Variants in GFOD2 observed in about 807,000 individuals in gnomAD.
GFOD2 encodes the protein Gfo/Idh/MocA-like oxidoreductase domain containing 2.
A neutral mutation model predicts 24.6 loss-of-function variants in GFOD2; 9 were observed. The ratio of observed to expected loss-of-function variants is 0.37; its 90% confidence interval spans 0.22 to 0.64. The LOEUF (loss-of-function observed/expected upper bound fraction) is 0.64, where lower values mean the gene tolerates loss of function less well. Ranked by LOEUF, GFOD2 falls within the 30% of genes least tolerant of loss-of-function variation. The pLI is 0.65. For missense variants in GFOD2, 476 were observed against 532.5 expected, an observed-to-expected ratio of 0.89 and a Z score of 1.04; for synonymous variants, 211 against 224.8, an observed-to-expected ratio of 0.94 and a Z score of 0.55.
In GFOD2 at chr16:67,685,593, C is replaced by T. The variant is rs768833214; in HGVS notation, c.123G>A (p.Ala41=). The change falls in exon 2 of 3, where the codon GCG becomes GCA. Residue 41 remains alanine (A), a synonymous_variant. Transcript: ENST00000268797. ...TGTTCATCTCCTCAGCAAGCTGCTT[C>T]GCCTCCTCCTCAGTCTTCCCCCACA... The part of the protein sequence containing the change: ...EALWGKTEEE[A]KQLAEEMNIA... The T allele has an allele frequency of 1.3e-5, 21 of 1,614,182 alleles. No homozygotes were observed. Among genetic ancestry groups the T allele is most frequent in the South Asian group, 3.3e-5 (3 of 91,084 alleles).
At chr16:67,699,631 G>A (rs2053386001) in intron 1 of GFOD2, among the ~76,000 whole-genome samples, 1 of 151,938 alleles carries the variant, frequency 6.6e-6, no homozygotes, top group Non-Finnish European at 1.5e-5. Context: ...CCACAGATGT[G>A]TACCACCACG....
rs539145203 is a variant in GFOD2, at chr16:67,687,573, G to A, written c.-87-1771C>T. ...GGAGAATGGCGTGAACCCAGGAGGC[G>A]GAGCCTGCAGTGAGGTGAGATCGCG... On this transcript the variant is annotated intron_variant, in intron 1 of 2. Transcript: ENST00000268797. Among the ~76,000 whole-genome samples, 27 of 149,928 alleles carry A rather than the reference G, an allele frequency of 1.8e-4. No homozygotes were observed. The East Asian group carries it at 4.9e-3, about 27-fold the overall frequency.
At chr16:67,694,983 C>G (rs1323400139) in intron 1 of GFOD2, among the ~76,000 whole-genome samples, 1 of 147,354 alleles carries the variant, frequency 6.8e-6, no homozygotes. Flanking sequence ...TTCTCCATCT[C>G]TCTCTTTTTT....
intron 1 of GFOD2, among the ~76,000 whole-genome samples, chr16:67,716,158 T>C (rs772695547): frequency 2.0e-5 from 3 of 152,224 alleles, no homozygotes; most frequent in Non-Finnish European, 4.4e-5. Context: ...TCAGATGACA[T>C]TGCATCCCCA....
At chr16:67,694,291 C>A (rs1468252676) in intron 1 of GFOD2, among the ~76,000 whole-genome samples, 1 of 152,060 alleles carries the variant, frequency 6.6e-6, no homozygotes, top group Non-Finnish European at 1.5e-5. Context: ...GCCACTGAGC[C>A]TGGCCTAATT....
In GFOD2 at chr16:67,679,094, G is replaced by A. The variant is rs539129213; in HGVS notation, c.260-3041C>T. 3.3e-5 allele frequency among the ~76,000 whole-genome samples: 5 copies of A among 152,340 alleles called. No homozygotes were observed. The South Asian group carries it at 6.2e-4, about 19-fold the overall frequency. On this transcript the variant is annotated intron_variant, in intron 2 of 2. Coordinates refer to ENST00000268797, the MANE Select transcript of GFOD2 (RefSeq NM_030819.4). ...AGGTAGGACGATCCCTTGAGTCCAG[G>A]AGATTGGGGCTGCAGTTTGCTGCGA...
intron 1 of GFOD2, among the ~76,000 whole-genome samples, chr16:67,710,688 A>G (rs1368645929): frequency 6.6e-6 from 1 of 152,166 alleles, no homozygotes; most frequent in Non-Finnish European, 1.5e-5. Context: ...AAAAGTGTTC[A>G]ATGACAGATT....
intron 1 of GFOD2, among the ~76,000 whole-genome samples, chr16:67,702,516 G>A (rs2053409570): frequency 1.3e-5 from 2 of 150,546 alleles, no homozygotes; most frequent in South Asian, 4.2e-4. Flanking sequence ...GAAAAGATTT[G>A]CTGACCCCTG....
intron 1 of GFOD2, among the ~76,000 whole-genome samples, chr16:67,688,677 C>G (rs964803315): frequency 2.6e-5 from 4 of 151,352 alleles, no homozygotes; most frequent in Non-Finnish European, 5.9e-5. Flanking sequence ...TTTTCTTTTT[C>G]TCTTTTTAAA....
At chr16:67,684,790 C>T (rs1440260893) in intron 2 of GFOD2, 6 of 983,896 alleles carry the variant, frequency 6.1e-6, no homozygotes, top group African/African-American at 1.7e-5. Context: ...AAGAAGTTGA[C>T]TCCAGTTGAC....
chr16:67,702,187 A>G (rs1411653910), intron 1 of GFOD2, among the ~76,000 whole-genome samples: 1 of 152,198 alleles, frequency 6.6e-6, no homozygotes, highest in Non-Finnish European at 1.5e-5. Flanking sequence ...ACAGCTTAAA[A>G]TACTTAAAAT....
chr16:67,690,406 T>G (rs2053303234), intron 1 of GFOD2, among the ~76,000 whole-genome samples: 1 of 151,928 alleles, frequency 6.6e-6, no homozygotes, highest in Non-Finnish European at 1.5e-5. Context: ...CTATTTTTTT[T>G]TTTTTTTTGA....
At chr16:67,688,296 G>A (rs1389732404) in intron 1 of GFOD2, among the ~76,000 whole-genome samples, 1 of 152,158 alleles carries the variant, frequency 6.6e-6, no homozygotes, top group African/African-American at 2.4e-5. Context: ...ATTCAATGCT[G>A]TAGAAGGACT....
intron 1 of GFOD2, among the ~76,000 whole-genome samples, chr16:67,704,009 T>G (rs1343269848): frequency 6.6e-6 from 1 of 152,222 alleles, no homozygotes; most frequent in Non-Finnish European, 1.5e-5. Context: ...TGTTGTAGCA[T>G]GTGTCAGATT....
chr16:67,681,105 G>C, intron 2 of GFOD2: 1 of 985,446 alleles, frequency 1.0e-6, no homozygotes, highest in Non-Finnish European at 1.2e-6. Context: ...CACAGTTCTG[G>C]GGGTGAATTT....
intron 1 of GFOD2, among the ~76,000 whole-genome samples, chr16:67,718,899 T>C (rs927179629): frequency 1.1e-4 from 16 of 152,118 alleles, no homozygotes; most frequent in Non-Finnish European, 2.1e-4. Flanking sequence ...GGGTTATGTC[T>C]CAGGTTCTTC....
At chr16:67,693,495 C>T (rs1344565691) in intron 1 of GFOD2, among the ~76,000 whole-genome samples, 3 of 152,164 alleles carry the variant, frequency 2.0e-5, no homozygotes, top group Non-Finnish European at 4.4e-5. Flanking sequence ...TGGTCTCAAA[C>T]TCCTGGGCTC....
intron 1 of GFOD2, among the ~76,000 whole-genome samples, chr16:67,707,931 T>C (rs1403279703): frequency 1.3e-5 from 2 of 152,140 alleles, no homozygotes; most frequent in Non-Finnish European, 2.9e-5. Context: ...TCCACTTTTT[T>C]GAAATTCAGG....
At chr16:67,714,948 A>G (rs911920367) in intron 1 of GFOD2, among the ~76,000 whole-genome samples, 1 of 152,218 alleles carries the variant, frequency 6.6e-6, no homozygotes, top group African/African-American at 2.4e-5. Flanking sequence ...ACTACTTGCA[A>G]TTCCTTTCTA....
Sources: allele counts gnomAD v4.1 joint callset (sites outside exome capture counted in the v4.1 genomes callset), GRCh38; gene constraint gnomAD v4.1.1; transcripts MANE v1.5; gene names NCBI Gene and HGNC (gene_info 2026-07-23, HGNC 2026-07-21).